Variants in ABCC5 observed in about 807,000 individuals in gnomAD.
ABCC5 encodes ATP-binding cassette sub-family C member 5.
ABCC5 carries 61 observed loss-of-function variants against 160.9 expected under a neutral mutation model. The ratio of observed to expected loss-of-function variants is 0.38; its 90% CI spans 0.31 to 0.47. The LOEUF (loss-of-function observed/expected upper bound fraction) is 0.47, where lower values mean the gene tolerates loss of function less well. Among genes scored for constraint, ABCC5 ranks in the 20% least tolerant of loss-of-function variants. The pLI, the probability that ABCC5 is intolerant of heterozygous loss-of-function variation, is 0.99. For missense variants in ABCC5, 1,308 were observed against 1,813.3 expected, an observed-to-expected ratio of 0.72 and a Z score of 5.06; for synonymous variants, 666 against 700.6, an observed-to-expected ratio of 0.95 and a Z score of 0.78.
intron 25 of ABCC5, among the ~76,000 whole-genome samples, chr3:183,941,752 AGGCG>A (rs1358659717): frequency 2.0e-5 from 3 of 152,070 alleles, no homozygotes; most frequent in Non-Finnish European, 4.4e-5. Context: ...TCAGAGGCTG[AGGCG>A]GGTGGATCAT....
intron 5 of ABCC5, chr3:183,984,699 A>G (rs1289380985): frequency 2.0e-6 from 3 of 1,511,038 alleles, no homozygotes; most frequent in Middle Eastern, 1.7e-4. Context: ...TGCTTGGGTC[A>G]CCACTGTATA....
chr3:184,014,227 A>G (rs1225521685), intron 2 of ABCC5, 37 bp downstream of exon 2: 14 of 1,584,594 alleles, frequency 8.8e-6, no homozygotes, highest in African/African-American at 1.4e-5. Flanking sequence ...TTTTAGTACA[A>G]CAAGCAGGTA....
At chr3:184,008,415 T>C (rs1160866223) in intron 2 of ABCC5, among the ~76,000 whole-genome samples, 2 of 152,212 alleles carry the variant, frequency 1.3e-5, no homozygotes, top group Non-Finnish European at 2.9e-5. Flanking sequence ...TAAAACTTCA[T>C]GTTAGCTGAA....
At chr3:183,937,240 G>C (rs756864422) in intron 26 of ABCC5, among the ~76,000 whole-genome samples, 9 of 152,046 alleles carry the variant, frequency 5.9e-5, no homozygotes, top group Non-Finnish European at 1.0e-4. Flanking sequence ...AGCTGGGCCT[G>C]GGGGAGGGCG....
At position 183,967,574 on chromosome 3, in the gene ABCC5, A is replaced by G. The variant is rs1717341886; in HGVS notation, c.1833+121T>C. ...AACTGCGGGGGATTGGGGGCATACAATGCAGGCTGAGGGTTCATTTGTTTC... is the reference window on the plus strand; with the variant it reads ...AACTGCGGGGGATTGGGGGCATACAGTGCAGGCTGAGGGTTCATTTGTTTC... On this transcript the variant is annotated intron_variant, in intron 12 of 29. Coordinates refer to ENST00000334444, the MANE Select transcript of ABCC5 (RefSeq NM_005688.4). 1.3e-5 allele frequency: 11 copies of G among 857,822 alleles called. No individual in the cohort carries two copies. The East Asian group carries it at 2.8e-4, about 22-fold the overall frequency. The allele number at this position is 857,822 out of a possible 1,614,324, so 53.1% of individuals were successfully genotyped here. A position where few individuals can be genotyped will look rare whatever the true frequency, so the allele number is the denominator to read the frequency against.
intron 24 of ABCC5, among the ~76,000 whole-genome samples, chr3:183,943,804 C>T (rs764212328): frequency 6.6e-6 from 1 of 152,156 alleles, no homozygotes; most frequent in Non-Finnish European, 1.5e-5. Flanking sequence ...CCTAACCTCT[C>T]CAGCACAAGG....
Position 183,978,763 on chromosome 3 carries a change from T to C in ABCC5, c.1148-112A>G, listed in dbSNP as rs1476339769. 3 of 1,173,906 alleles carry C rather than the reference T, an allele frequency of 2.6e-6. No homozygotes were observed. The Admixed American group carries it at 7.6e-5, about 30-fold the overall frequency. 72.7% of individuals were successfully genotyped at this position (1,173,906 alleles called of 1,614,324 possible). A position where few individuals can be genotyped will look rare whatever the true frequency, so the allele number is the denominator to read the frequency against. On this transcript the variant is annotated intron_variant, in intron 8 of 29. Coordinates refer to ENST00000334444, the MANE Select transcript of ABCC5 (RefSeq NM_005688.4). ...GTCTCCAGCCACCCTTCAACACCTA[T>C]GACTATCAACTCTACCACTAAAGCT... is the stretch of plus-strand genomic sequence containing the variant.
intron 2 of ABCC5, among the ~76,000 whole-genome samples, chr3:183,999,558 G>A (rs926976639): frequency 3.3e-5 from 5 of 152,026 alleles, no homozygotes; most frequent in African/African-American, 9.7e-5. Flanking sequence ...TGGGAGGATC[G>A]CTTGAGCCCA....
At chr3:183,928,434 A>G (rs3792585) in intron 27 of ABCC5, among the ~76,000 whole-genome samples, 61,473 of 152,092 alleles carry the variant, frequency 0.4, 13,329 homozygotes, top group East Asian at 0.5. Context: ...TTTTGCGTAT[A>G]TGTGGACGCT....
At chr3:183,985,784 G>A (rs375250478) in intron 5 of ABCC5, 36 of 245,586 alleles carry the variant, frequency 1.5e-4, no homozygotes, top group African/African-American at 8.0e-4. Context: ...CACATATAGC[G>A]GCAGTCCCCA....
At position 183,921,057 on chromosome 3, in the gene ABCC5, C is replaced by T. The variant is rs1711920304; in HGVS notation, c.*243G>A. On this transcript the variant is annotated 3_prime_UTR_variant, in exon 30 of 30. Coordinates refer to ENST00000334444, the MANE Select transcript of ABCC5 (RefSeq NM_005688.4). This position sits in a 1 kb window ranked among gnomAD's most constrained non-coding sequence, Gnocchi z 4.1. Reference sequence around the variant, plus strand: ...TCTGATACAATTATAATAACGGTTCCCTGAACCTTTTAGAGTGCAATTAAG... The same window carrying T: ...TCTGATACAATTATAATAACGGTTCTCTGAACCTTTTAGAGTGCAATTAAG... 5.5e-6 allele frequency: 2 copies of T among 364,696 alleles called. No individual in the cohort carries two copies. Among genetic ancestry groups the T allele is most frequent in the East Asian group, 9.3e-5 (2 of 21,428 alleles). 22.6% of individuals were successfully genotyped at this position (364,696 alleles called of 1,614,324 possible). A position where few individuals can be genotyped will look rare whatever the true frequency, so the allele number is the denominator to read the frequency against.
intron 26 of ABCC5, among the ~76,000 whole-genome samples, chr3:183,933,972 T>C (rs1713432505): frequency 6.6e-6 from 1 of 152,154 alleles, no homozygotes; most frequent in Non-Finnish European, 1.5e-5. Context: ...TGCCTGTGCC[T>C]TGGGAAACTC....
At chr3:184,000,342 CTAAA>C (rs562530266) in intron 2 of ABCC5, among the ~76,000 whole-genome samples, 30 of 151,958 alleles carry the variant, frequency 2.0e-4, no homozygotes, top group African/African-American at 5.6e-4. Flanking sequence ...GACCCTGTCT[CTAAA>C]TAAATAAATA....
intron 5 of ABCC5, chr3:183,984,195 G>T: frequency 1.0e-6 from 1 of 985,554 alleles, no homozygotes; most frequent in Non-Finnish European, 1.2e-6. Context: ...CTCTGCTCGG[G>T]ACAGAATAAA....
At position 183,971,795 on chromosome 3, in the gene ABCC5, G is replaced by C; in HGVS notation, c.1529C>G (p.Pro510Arg). The change falls in exon 11 of 30, where the codon CCC becomes CGC. Residue 510 changes from proline (P) to arginine (R), a missense_variant. By Grantham distance (103) the Pro-to-Arg change is moderately radical. Around this residue, in one of 3 missense-constraint regions of ABCC5, gnomAD observed 1,142 missense variants for 1,527.1 expected, o/e 0.75. Coordinates refer to ENST00000334444, the MANE Select transcript of ABCC5 (RefSeq NM_005688.4). ...DSSHSSIQNS[P>R]KLTPKMKKDK... ...TTTTTTCATTTTGGGGGTCAGCTTG[G>C]GCGAGTTCTGGATACTGGAGTGGGA... 6.2e-7 allele frequency: 1 copy of C among 1,614,138 alleles called. No homozygotes were observed. The highest frequency in any genetic ancestry group is 8.5e-7 in the Non-Finnish European group (1 of 1,180,024).
At chr3:184,003,720 G>A (rs1720942784) in intron 2 of ABCC5, among the ~76,000 whole-genome samples, 2 of 152,200 alleles carry the variant, frequency 1.3e-5, no homozygotes, top group Non-Finnish European at 2.9e-5. Flanking sequence ...TTTGTCTGCA[G>A]TTGATAATCT....
chr3:183,942,383 C>A (rs1714452676), intron 25 of ABCC5: 1 of 482,512 alleles, frequency 2.1e-6, no homozygotes. Context: ...TCAATGACCT[C>A]ATTTTTGTAA....
intron 17 of ABCC5, among the ~76,000 whole-genome samples, chr3:183,956,025 T>A (rs180901327): frequency 1.4e-5 from 2 of 142,828 alleles, no homozygotes; most frequent in Admixed American, 7.2e-5. Flanking sequence ...TGTTCATCCA[T>A]GTGTATATCA....
At chr3:183,985,630 T>C (rs1719144826) in intron 5 of ABCC5, 48 of 546,688 alleles carry the variant, frequency 8.8e-5, no homozygotes, top group South Asian at 8.8e-4. Context: ...ACACAGATCA[T>C]AGGTGAGGCC....
Sources: gnomAD v4.1 joint callset for allele counts (sites outside exome capture counted in the v4.1 genomes callset) on GRCh38, gnomAD v4.1.1 for gene constraint, gnomAD v4.1.1 regional missense constraint, Gnocchi (gnomAD v3.1) non-coding constraint, MANE v1.5 for transcripts, NCBI Gene and HGNC (gene_info 2026-07-23, HGNC 2026-07-21) for gene names.